Variants in IKZF2 observed in about 807,000 individuals in gnomAD.
IKZF2 encodes the protein zinc finger protein Helios.
In IKZF2, 15 loss-of-function variants were observed where a neutral mutation model predicts 49.2. The ratio of observed to expected loss-of-function variants is 0.30; its 90% CI spans 0.20 to 0.47. The LOEUF is 0.47. Among genes scored for constraint, IKZF2 ranks in the 20% least tolerant of loss-of-function variants. The pLI, the probability that IKZF2 is intolerant of heterozygous loss-of-function variation, is 1.00. For missense variants in IKZF2, 567 were observed against 664.6 expected, an observed-to-expected ratio of 0.85 and a Z score of 1.61; for synonymous variants, 227 against 221.4, an observed-to-expected ratio of 1.03 and a Z score of -0.23.
intron 4 of IKZF2, among the ~76,000 whole-genome samples, chr2:213,130,271 G>C (rs2060431981): frequency 6.6e-6 from 1 of 152,114 alleles, no homozygotes; most frequent in Non-Finnish European, 1.5e-5. Flanking sequence ...TAATCACTAA[G>C]CTAGGGTCTC....
chr2:213,146,761 G>GGGT (rs1553604948), intron 4 of IKZF2, among the ~76,000 whole-genome samples: 1 of 135,344 alleles, frequency 7.4e-6, no homozygotes, highest in African/African-American at 2.7e-5. Context: ...TAAATCTTCG[G>GGGT]GGGGGGGGAA....
intron 4 of IKZF2, among the ~76,000 whole-genome samples, chr2:213,125,882 T>C (rs1040085762): frequency 6.6e-6 from 1 of 152,104 alleles, no homozygotes; most frequent in African/African-American, 2.4e-5. Context: ...TGCAACCCTA[T>C]TTGTACTATT....
At chr2:213,144,461 A>G (rs2060976391) in intron 4 of IKZF2, among the ~76,000 whole-genome samples, 1 of 152,024 alleles carries the variant, frequency 6.6e-6, no homozygotes, top group African/African-American at 2.4e-5. Flanking sequence ...TCTGAAACCA[A>G]TACTGAACAA....
In IKZF2 at chr2:213,002,248, A is replaced by T. The variant is rs1164018100; in HGVS notation, c.*5112T>A. ...TGGGATAAAGGTTAATACACAACAC[A>T]TATTTTATACAGAAAATATACAAAT... On this transcript the variant is annotated 3_prime_UTR_variant, in exon 9 of 9. Transcript: ENST00000434687. 1 of 151,566 alleles carries T rather than the reference A, an allele frequency of 6.6e-6. No homozygotes were observed. The highest frequency in any genetic ancestry group is 1.5e-5 in the Non-Finnish European group (1 of 67,598). The allele number at this position is 151,566 out of a possible 1,614,324, so 9.4% of individuals were successfully genotyped here.
At chr2:213,102,069 C>G (rs1420281143) in intron 4 of IKZF2, among the ~76,000 whole-genome samples, 2 of 152,120 alleles carry the variant, frequency 1.3e-5, no homozygotes, top group Non-Finnish European at 2.9e-5. Context: ...CTACATGGAT[C>G]TTTTTTACTT....
chr2:213,028,895 ATACTTTT>A (rs944562335), intron 6 of IKZF2, among the ~76,000 whole-genome samples: 9 of 152,200 alleles, frequency 5.9e-5, no homozygotes, highest in African/African-American at 1.7e-4. Context: ...ATTATGTCAA[ATACTTTT>A]TCTGAAACTT....
chr2:213,089,106 G>T (rs563234986), intron 4 of IKZF2, among the ~76,000 whole-genome samples: 1 of 152,164 alleles, frequency 6.6e-6, no homozygotes, highest in African/African-American at 2.4e-5. Flanking sequence ...AGCTTCACCT[G>T]TTCAAAACAG....
At chr2:213,092,783 CT>C (rs1418375687) in intron 4 of IKZF2, among the ~76,000 whole-genome samples, 2 of 152,178 alleles carry the variant, frequency 1.3e-5, no homozygotes, top group African/African-American at 4.8e-5. Flanking sequence ...TGGGGTACCC[CT>C]TTCTGTCCTC....
chr2:213,148,047 A>G (rs2061142414), intron 3 of IKZF2, among the ~76,000 whole-genome samples: 1 of 152,252 alleles, frequency 6.6e-6, no homozygotes, highest in African/African-American at 2.4e-5. Context: ...ATCTCAATAC[A>G]TAAGTTGTTG....
chr2:213,098,225 G>C (rs1276578742), intron 4 of IKZF2, among the ~76,000 whole-genome samples: 3 of 152,056 alleles, frequency 2.0e-5, no homozygotes, highest in African/African-American at 7.2e-5. Flanking sequence ...CTAATGTGCA[G>C]CCAAAGTTGA....
At chr2:213,110,462 G>T in intron 4 of IKZF2, among the ~76,000 whole-genome samples, 2 of 149,284 alleles carry the variant, frequency 1.3e-5, no homozygotes, top group African/African-American at 2.5e-5. Flanking sequence ...TTTAATCTTA[G>T]CAATATATTT....
At chr2:213,080,530 GA>G (rs939465967) in intron 4 of IKZF2, among the ~76,000 whole-genome samples, 10 of 151,982 alleles carry the variant, frequency 6.6e-5, no homozygotes, top group Non-Finnish European at 1.2e-4. Flanking sequence ...GAAAATAAGT[GA>G]AAAAACCCTC....
At chr2:213,142,918 C>G (rs571762973) in intron 4 of IKZF2, among the ~76,000 whole-genome samples, 5 of 151,904 alleles carry the variant, frequency 3.3e-5, no homozygotes, top group Non-Finnish European at 7.4e-5. Flanking sequence ...ATAAAGGAAA[C>G]CATCCCTAAA....
chr2:213,032,860 G>A (rs1323426783), intron 6 of IKZF2, among the ~76,000 whole-genome samples: 1 of 152,156 alleles, frequency 6.6e-6, no homozygotes, highest in Non-Finnish European at 1.5e-5. Flanking sequence ...GATGGATGTG[G>A]CAATTCCTTA....
At chr2:213,098,708 G>A (rs1431264762) in intron 4 of IKZF2, among the ~76,000 whole-genome samples, 3 of 152,266 alleles carry the variant, frequency 2.0e-5, no homozygotes, top group Non-Finnish European at 4.4e-5. Flanking sequence ...CTTAGGTGAT[G>A]GGCAGACAGT....
rs993204618 is a variant in IKZF2 at position 213,000,771 on chromosome 2, G to A, written c.*6589C>T. The stretch of plus-strand genomic sequence containing the variant: ...TATTTAAAAGTTTATTTCTAAAAGG[G>A]GAGAAGTAAAATAAAAATATTAAGT... On this transcript the variant is annotated 3_prime_UTR_variant, in exon 9 of 9. Transcript: ENST00000434687. 2 of 151,770 alleles carry A rather than the reference G, an allele frequency of 1.3e-5. No homozygotes were observed. The highest frequency in any genetic ancestry group is 6.6e-5 in the Admixed American group (1 of 15,130). The allele number at this position is 151,770 out of a possible 1,614,324, so 9.4% of individuals were successfully genotyped here.
chr2:213,043,590 T>C (rs1699870680), intron 6 of IKZF2, among the ~76,000 whole-genome samples: 1 of 152,224 alleles, frequency 6.6e-6, no homozygotes, highest in African/African-American at 2.4e-5. Flanking sequence ...ACCAGTTTCA[T>C]GGAAGACAGT....
intron 7 of IKZF2, 52 bp downstream of exon 7, chr2:213,021,941 A>G (rs1320141584): frequency 3.2e-6 from 4 of 1,243,926 alleles, no homozygotes; most frequent in African/African-American, 3.1e-5. Flanking sequence ...TTCATGTTGA[A>G]CTACAAAAGC....
intron 4 of IKZF2, among the ~76,000 whole-genome samples, chr2:213,093,712 A>G (rs1309772954): frequency 6.6e-6 from 1 of 152,174 alleles, no homozygotes; most frequent in East Asian, 1.9e-4. Flanking sequence ...GAAATATTTT[A>G]TTAGATAATT....
Sources: allele counts gnomAD v4.1 joint callset (sites outside exome capture counted in the v4.1 genomes callset), GRCh38; gene constraint gnomAD v4.1.1; transcripts MANE v1.5; gene names NCBI Gene and HGNC (gene_info 2026-07-23, HGNC 2026-07-21).